Variants in P2RY12 observed in about 807,000 individuals in gnomAD.
The protein encoded by P2RY12 is P2Y purinoceptor 12.
P2RY12 carries 3 observed loss-of-function variants against 4.5 expected under a neutral mutation model. The ratio of observed to expected loss-of-function variants is 0.67; its 90% CI spans 0.31 to 1.74. The LOEUF (loss-of-function observed/expected upper bound fraction) is 1.74, where lower values mean the gene tolerates loss of function less well. P2RY12 is among the 40% of genes most tolerant of loss of function. The pLI is 0.09. For synonymous variants in P2RY12, 148 were observed against 154.1 expected, an observed-to-expected ratio of 0.96 and a Z score of 0.29; for missense variants, 356 against 407.8, an observed-to-expected ratio of 0.87 and a Z score of 1.09.
chr3:151,352,361 C>T (rs1395143894), intron 1 of P2RY12, among the ~76,000 whole-genome samples: 4 of 152,108 alleles, frequency 2.6e-5, no homozygotes, highest in African/African-American at 4.8e-5. Context: ...GGAACCACAT[C>T]GTTGGGAGGG....
chr3:151,366,248 A>G (rs1577455211), intron 1 of P2RY12, among the ~76,000 whole-genome samples: 2 of 152,198 alleles, frequency 1.3e-5, no homozygotes, highest in Admixed American at 1.3e-4. Context: ...TGAAATTTCC[A>G]TTTAGTTGAG....
chr3:151,370,113 A>G (rs1755995305), intron 1 of P2RY12, among the ~76,000 whole-genome samples: 1 of 152,210 alleles, frequency 6.6e-6, no homozygotes, highest in African/African-American at 2.4e-5. Flanking sequence ...CATTTAATTC[A>G]TAATGTCCAA....
rs113541400 is a variant in P2RY12 at position 151,337,973 on chromosome 3, T to C, written c.873A>G (p.Ala291=). The C allele has an allele frequency of 4.3e-5, 70 of 1,613,982 alleles. No homozygotes were observed. The highest frequency in any genetic ancestry group is 8.3e-5 in the Admixed American group (5 of 59,980). The change falls in exon 3 of 3, where the codon GCA becomes GCG. Residue 291 remains alanine (A), a synonymous_variant. Transcript: ENST00000302632. ...AAAAATAGATGAACGGATCCAGGCA[T>C]GCATTTAAGGAAGTTAACCACAGAG... The part of the protein sequence containing the change: ...ESTLWLTSLN[A]CLDPFIYFFL...
chr3:151,343,754 A>C (rs1752183035), intron 1 of P2RY12, among the ~76,000 whole-genome samples: 1 of 56,160 alleles, frequency 1.8e-5, no homozygotes, highest in Non-Finnish European at 3.6e-5. Context: ...AAGTGGCTTA[A>C]CTGGTTTGTT....
At chr3:151,351,095 A>G (rs1350543400) in intron 1 of P2RY12, among the ~76,000 whole-genome samples, 1 of 152,186 alleles carries the variant, frequency 6.6e-6, no homozygotes, top group Admixed American at 6.5e-5. Flanking sequence ...TAGGAGCCCT[A>G]CTGTTCTGTA....
chr3:151,344,703 T>A (rs780033480), intron 1 of P2RY12, among the ~76,000 whole-genome samples: 1 of 152,212 alleles, frequency 6.6e-6, no homozygotes, highest in Non-Finnish European at 1.5e-5. Context: ...GAAGGACAAT[T>A]ACATCCACTT....
At chr3:151,371,069 C>G (rs941993745) in intron 1 of P2RY12, among the ~76,000 whole-genome samples, 1 of 152,202 alleles carries the variant, frequency 6.6e-6, no homozygotes, top group Non-Finnish European at 1.5e-5. Context: ...CTCATACCTT[C>G]TCTGTTGTCC....
intron 1 of P2RY12, among the ~76,000 whole-genome samples, chr3:151,342,282 C>T (rs549749932): frequency 6.6e-6 from 1 of 152,214 alleles, no homozygotes; most frequent in South Asian, 2.1e-4. Flanking sequence ...CAGAAACACA[C>T]CTCCCTGGTG....
intron 1 of P2RY12, chr3:151,357,229 G>C: frequency 6.2e-7 from 1 of 1,608,678 alleles, no homozygotes. Flanking sequence ...AATGAACTGA[G>C]TGTTGTGGAA....
Position 151,364,947 on chromosome 3 carries a change from TTC to T in P2RY12, c.-180+19743_-180+19744del, listed in dbSNP as rs772489062. 3.9e-5 allele frequency: 58 copies of T among 1,472,902 alleles called. 1 individual carries two copies. In the South Asian group the frequency reaches 6.2e-4, roughly 16 times the overall value. The allele number at this position is 1,472,902 out of a possible 1,614,324, so 91.2% of individuals were successfully genotyped here. ...TTTTCTAGTTATTCTAGTTTTATTT[TTC>T]TGTTTTAACTTTTTTTCTTATAACC... is the stretch of plus-strand genomic sequence containing the variant. On this transcript the variant is annotated intron_variant, in intron 1 of 2. Coordinates refer to ENST00000302632, the MANE Select transcript of P2RY12 (RefSeq NM_022788.5).
At chr3:151,363,443 G>T (rs1218167321) in intron 1 of P2RY12, among the ~76,000 whole-genome samples, 2 of 152,098 alleles carry the variant, frequency 1.3e-5, no homozygotes, top group African/African-American at 4.8e-5. Flanking sequence ...AGGAGTATTT[G>T]GGGGAGATAC....
chr3:151,369,603 A>T (rs1035093444), intron 1 of P2RY12: 18 of 1,173,536 alleles, frequency 1.5e-5, no homozygotes, highest in Non-Finnish European at 2.2e-5. Flanking sequence ...ATGAAGGCAA[A>T]ATAATTTATT....
chr3:151,365,847 T>C (rs1408122411), intron 1 of P2RY12: 1 of 1,605,350 alleles, frequency 6.2e-7, no homozygotes, highest in Non-Finnish European at 8.5e-7. Context: ...TTTTCTTTTC[T>C]AGGATTAACG....
chr3:151,339,462 A>G (rs1322844137), intron 2 of P2RY12, among the ~76,000 whole-genome samples: 3 of 148,796 alleles, frequency 2.0e-5, no homozygotes, highest in African/African-American at 4.9e-5. Context: ...TTTTTTCTTT[A>G]TATTTGGAAG....
rs749720794 is a variant in P2RY12 at position 151,383,781 on chromosome 3, A to G, written c.-180+911T>C. The G allele has an allele frequency of 5.0e-6, 8 of 1,606,974 alleles. No homozygotes were observed. In the East Asian group the frequency reaches 1.6e-4, roughly 31 times the overall value. ...TCTTACTGTATTTTGTCTGCTAGGT[A>G]GGAGGAATGTTTGACACGGTGCAGA... On this transcript the variant is annotated intron_variant, in intron 1 of 2. Transcript: ENST00000302632.
chr3:151,338,338 T>G lies in P2RY12; in HGVS notation c.508A>C (p.Lys170Gln), dbSNP rs1751317593. 1.2e-6 allele frequency: 2 copies of G among 1,614,154 alleles called. No individual in the cohort carries two copies. Among genetic ancestry groups the G allele is most frequent in the Non-Finnish European group, 1.7e-6 (2 of 1,180,020 alleles). The change falls in exon 3 of 3, where the codon AAG becomes CAG. Residue 170 changes from lysine to glutamine, a missense_variant. Physicochemically the swap from Lys to Gln is moderately conservative, Grantham distance 53. Transcript: ENST00000302632. ...MILTNRQPRD[K>Q]NVKKCSFLKS... Reference sequence around the variant, plus strand: ...AGGAAAGAGCATTTCTTCACATTCTTGTCTCTCGGCTGCCTGTTGGTCAGA... The same window carrying G: ...AGGAAAGAGCATTTCTTCACATTCTGGTCTCTCGGCTGCCTGTTGGTCAGA...
chr3:151,372,673 A>G, intron 1 of P2RY12: 1 of 1,613,994 alleles, frequency 6.2e-7, no homozygotes, highest in East Asian at 2.2e-5. Flanking sequence ...GGACTGCCTC[A>G]CAAAATCCAA....
intron 1 of P2RY12, among the ~76,000 whole-genome samples, chr3:151,359,342 G>A (rs1220698964): frequency 6.6e-6 from 1 of 152,120 alleles, no homozygotes; most frequent in African/African-American, 2.4e-5. Context: ...TCTTAATTGT[G>A]TGACACTTTT....
At chr3:151,362,983 G>A (rs575968410) in intron 1 of P2RY12, among the ~76,000 whole-genome samples, 49 of 152,056 alleles carry the variant, frequency 3.2e-4, no homozygotes, top group African/African-American at 1.2e-3. Context: ...TACAGCAGCC[G>A]TTTTTTTAAT....
Sources: allele counts gnomAD v4.1 joint callset (sites outside exome capture counted in the v4.1 genomes callset), GRCh38; gene constraint gnomAD v4.1.1; transcripts MANE v1.5; gene names NCBI Gene and HGNC (gene_info 2026-07-23, HGNC 2026-07-21).